Variants in TSPAN9 observed in about 807,000 individuals in gnomAD.
TSPAN9 encodes tetraspanin-9.
Under a neutral mutation model 31.0 loss-of-function variants are expected in TSPAN9, and 16 were observed. The ratio of observed to expected loss-of-function variants is 0.52; its 90% CI spans 0.35 to 0.78. The LOEUF is 0.78. TSPAN9 is among the 30% of genes least tolerant of loss of function. TSPAN9 has a pLI of 0.01. For synonymous variants in TSPAN9, 145 were observed against 121.6 expected, an observed-to-expected ratio of 1.19 and a Z score of -1.27; for missense variants, 272 against 312.5, an observed-to-expected ratio of 0.87 and a Z score of 0.98.
At chr12:3,245,414 G>C (rs139065259) in intron 3 of TSPAN9, among the ~76,000 whole-genome samples, 1 of 152,324 alleles carries the variant, frequency 6.6e-6, no homozygotes, top group Non-Finnish European at 1.5e-5. Flanking sequence ...GGTTTTCAGT[G>C]TTCTTTTTCT....
chr12:3,241,360 G>C (rs1247242618), intron 3 of TSPAN9, among the ~76,000 whole-genome samples: 1 of 152,192 alleles, frequency 6.6e-6, no homozygotes, highest in African/African-American at 2.4e-5. Context: ...ATGTATTATA[G>C]ATGTCTAATT....
At chr12:3,191,896 A>G (rs2098364593) in intron 2 of TSPAN9, among the ~76,000 whole-genome samples, 1 of 152,194 alleles carries the variant, frequency 6.6e-6, no homozygotes, top group Non-Finnish European at 1.5e-5. Context: ...AGTTGTATTG[A>G]AAGAAAGGGG....
At chr12:3,098,077 G>A (rs1331400394) in intron 2 of TSPAN9, among the ~76,000 whole-genome samples, 22 of 152,352 alleles carry the variant, frequency 1.4e-4, no homozygotes, top group Admixed American at 1.4e-3. Flanking sequence ...AGTGCAGCCG[G>A]ATGTGACAGG....
chr12:3,267,677 G>C (rs772745951), intron 3 of TSPAN9, among the ~76,000 whole-genome samples: 8 of 152,228 alleles, frequency 5.3e-5, no homozygotes, highest in Non-Finnish European at 8.8e-5. Flanking sequence ...ATATGCTGGT[G>C]GTTGGAAAAT....
chr12:3,263,583 A>G (rs1399598283), intron 3 of TSPAN9, among the ~76,000 whole-genome samples: 2 of 152,022 alleles, frequency 1.3e-5, no homozygotes, highest in Non-Finnish European at 2.9e-5. Context: ...CAGCATTCCC[A>G]CTTCCCTCCT....
At chr12:3,266,785 C>T (rs1207448203) in intron 3 of TSPAN9, among the ~76,000 whole-genome samples, 3 of 152,084 alleles carry the variant, frequency 2.0e-5, no homozygotes, top group East Asian at 3.9e-4. Flanking sequence ...TGGGTGGACG[C>T]GGCTCCCGGC....
rs768768376 is a variant in TSPAN9 at position 3,201,183 on chromosome 12, A to G, written c.-11A>G. 3.7e-6 allele frequency: 6 copies of G among 1,614,020 alleles called. No individual in the cohort carries two copies. In the South Asian group the frequency reaches 4.4e-5, roughly 12 times the overall value. ...TCCTTTGTGTTCCTCCTAGAATTTA[A>G]GAAGTGCAACATGGCCAGGGGCTGC... On this transcript the variant is annotated 5_prime_UTR_variant, in exon 3 of 9. Transcript: ENST00000011898.
In TSPAN9 at chr12:3,182,784, A is replaced by G. The variant is rs1398033284; in HGVS notation, c.-17-18393A>G. Among the ~76,000 whole-genome samples, 5 of 152,304 alleles carry G rather than the reference A, an allele frequency of 3.3e-5. No homozygotes were observed. In the South Asian group the frequency reaches 6.2e-4, roughly 19 times the overall value. On this transcript the variant is annotated intron_variant, in intron 2 of 8. Transcript: ENST00000011898. ...GATCTGTGACTGGGCCATCAGCCTG[A>G]GAAGCCTCCATGCCAAGGGAGGGGA...
Position 3,283,113 on chromosome 12 carries a change from A to G in TSPAN9, c.717A>G (p.Ala239=), listed in dbSNP as rs369371523. The G allele has an allele frequency of 1.9e-6, 3 of 1,608,474 alleles. No individual in the cohort carries two copies. Among genetic ancestry groups the G allele is most frequent in the East Asian group, 2.2e-5 (1 of 44,844 alleles). The change falls in exon 9 of 9, where the codon GCA becomes GCG. Residue 239 remains alanine, a synonymous_variant. Transcript: ENST00000011898. The part of the protein sequence containing the change: ...HIHRTGKKYD[A] ...ACCGGACTGGTAAGAAGTACGACGC[A>G]TGAGCGGGCTGGCCGGGAGTGCCCA...
chr12:3,184,793 C>T (rs998990596), intron 2 of TSPAN9, among the ~76,000 whole-genome samples: 2 of 152,036 alleles, frequency 1.3e-5, no homozygotes, highest in Non-Finnish European at 2.9e-5. Context: ...TGCGTTCCTT[C>T]TCAAGCCAGC....
intron 3 of TSPAN9, among the ~76,000 whole-genome samples, chr12:3,222,521 C>T (rs1159681806): frequency 6.6e-6 from 1 of 152,226 alleles, no homozygotes; most frequent in Non-Finnish European, 1.5e-5. Context: ...GATGGATTTA[C>T]AGGGGTCTTG....
Position 3,147,503 on chromosome 12 carries a change from C to T in TSPAN9, c.-17-53674C>T, listed in dbSNP as rs997650928. On this transcript the variant is annotated intron_variant, in intron 2 of 8. Coordinates refer to ENST00000011898, the MANE Select transcript of TSPAN9 (RefSeq NM_006675.5). The surrounding 1 kb of genome is among the most constrained non-coding windows in gnomAD (Gnocchi z 4.3). ...TCCTTCAGGATCGCCCCCACCTTCC[C>T]TGCCCACTTCCAGATTCAGTTTGAG... Among the ~76,000 whole-genome samples, 2 of 152,202 alleles carry T rather than the reference C, an allele frequency of 1.3e-5. No homozygotes were observed. The highest frequency in any genetic ancestry group is 2.4e-5 in the African/African-American group (1 of 41,456).
At chr12:3,134,513 C>T (rs1337321178) in intron 2 of TSPAN9, among the ~76,000 whole-genome samples, 1 of 152,190 alleles carries the variant, frequency 6.6e-6, no homozygotes, top group African/African-American at 2.4e-5. Flanking sequence ...TCTGTCCTGC[C>T]TCATATCTGC....
chr12:3,221,352 ATTTTTCTC>A lies in TSPAN9; in HGVS notation c.63+20102_63+20109del, dbSNP rs756408807. Among the ~76,000 whole-genome samples the A allele has an allele frequency of 2.7e-4, 35 of 131,710 alleles. No homozygotes were observed. In the South Asian group the frequency reaches 6.3e-3, roughly 24 times the overall value. 86.4% of individuals were successfully genotyped at this position (131,710 alleles called of 152,430 possible). A position where few individuals can be genotyped will look rare whatever the true frequency, so the allele number is the denominator to read the frequency against. Reference sequence around the variant, plus strand: ...AGATAAGTTATTTTTTATTTAAAATATTTTTCTCTTTTTTTTTTTTTTTTAGATGAAGT... The same window carrying A: ...AGATAAGTTATTTTTTATTTAAAATATTTTTTTTTTTTTTTTAGATGAAGT... On this transcript the variant is annotated intron_variant, in intron 3 of 8. Coordinates refer to ENST00000011898, the MANE Select transcript of TSPAN9 (RefSeq NM_006675.5).
intron 3 of TSPAN9, among the ~76,000 whole-genome samples, chr12:3,216,149 CCCCAGCCCTGG>C (rs2098381284): frequency 1.3e-5 from 2 of 152,328 alleles, no homozygotes; most frequent in South Asian, 4.1e-4. Context: ...CCCACCCCCA[CCCCAGCCCTGG>C]GGCCCTCTGG....
chr12:3,130,733 T>C (rs900518397), intron 2 of TSPAN9, among the ~76,000 whole-genome samples: 4 of 152,202 alleles, frequency 2.6e-5, no homozygotes, highest in African/African-American at 9.6e-5. Context: ...CACAAAACGC[T>C]TAGCAGAGTG....
chr12:3,225,511 A>G (rs1316464304), intron 3 of TSPAN9, among the ~76,000 whole-genome samples: 3 of 152,108 alleles, frequency 2.0e-5, no homozygotes, highest in Non-Finnish European at 4.4e-5. Flanking sequence ...GCACGTGCAG[A>G]AGCGCTGGTC....
chr12:3,200,954 C>A, intron 2 of TSPAN9: 1 of 503,742 alleles, frequency 2.0e-6, no homozygotes, highest in Non-Finnish European at 3.5e-6. Flanking sequence ...TTCTTCGATC[C>A]ATCGGAGTCC....
At chr12:3,078,896 A>G (rs748395609) in intron 1 of TSPAN9, among the ~76,000 whole-genome samples, 7 of 151,962 alleles carry the variant, frequency 4.6e-5, no homozygotes, top group Non-Finnish European at 1.0e-4. Flanking sequence ...AAAGTAATTT[A>G]TAGTTGGCCA....
Sources: allele counts gnomAD v4.1 joint callset (sites outside exome capture counted in the v4.1 genomes callset), GRCh38; gene constraint gnomAD v4.1.1; non-coding constraint Gnocchi (gnomAD v3.1); transcripts MANE v1.5; gene names NCBI Gene and HGNC (gene_info 2026-07-23, HGNC 2026-07-21).